The following PPP3R1 variants were observed in gnomAD, a reference collection of about 807,000 sequenced individuals.
PPP3R1 encodes calcineurin subunit B type 1.
A neutral mutation model predicts 22.6 loss-of-function variants in PPP3R1; 5 were observed. The observed-to-expected ratio is 0.22, with a 90% CI of 0.12 to 0.46. The LOEUF (loss-of-function observed/expected upper bound fraction) is 0.46, where lower values mean the gene tolerates loss of function less well. PPP3R1 is among the 20% of genes least tolerant of loss of function. The pLI is 0.99. For missense variants in PPP3R1, 61 were observed against 203.2 expected, an observed-to-expected ratio of 0.30 and a Z score of 4.25; for synonymous variants, 56 against 65.2, an observed-to-expected ratio of 0.86 and a Z score of 0.68.
At chr2:68,202,001 A>G (rs1674984674) in intron 2 of PPP3R1, among the ~76,000 whole-genome samples, 1 of 152,188 alleles carries the variant, frequency 6.6e-6, no homozygotes, top group Non-Finnish European at 1.5e-5. Flanking sequence ...TAAACAAAAG[A>G]TTCAATTTTT....
chr2:68,190,942 C>T (rs1674653950), intron 2 of PPP3R1, among the ~76,000 whole-genome samples: 1 of 152,282 alleles, frequency 6.6e-6, no homozygotes, highest in East Asian at 1.9e-4. Flanking sequence ...TTAATTTGTA[C>T]TTGCATTTTT....
intron 2 of PPP3R1, among the ~76,000 whole-genome samples, chr2:68,192,519 G>GT (rs1323703438): frequency 2.0e-5 from 3 of 152,052 alleles, no homozygotes; most frequent in Non-Finnish European, 4.4e-5. Flanking sequence ...TTAGAAAGTT[G>GT]TTTATCAAGA....
intron 2 of PPP3R1, among the ~76,000 whole-genome samples, chr2:68,203,552 G>A (rs1160653667): frequency 6.0e-5 from 9 of 151,044 alleles, no homozygotes; most frequent in Non-Finnish European, 1.0e-4. Context: ...AGTGTGCCGA[G>A]ATCGCGCCAT....
At position 68,206,196 on chromosome 2, in the gene PPP3R1, G is replaced by A. The variant is rs906681846; in HGVS notation, c.43+10896C>T. Among the ~76,000 whole-genome samples, 7 of 152,122 alleles carry A rather than the reference G, an allele frequency of 4.6e-5. No homozygotes were observed. In the South Asian group the frequency reaches 8.3e-4, roughly 18 times the overall value. On this transcript the variant is annotated intron_variant, in intron 2 of 5. Transcript: ENST00000234310. ...GCAGGATCAAAATCAAAGAGAAGTC[G>A]ACTGTGTTATAAACTGAAGAGAGGA... is the stretch of plus-strand genomic sequence containing the variant.
intron 2 of PPP3R1, among the ~76,000 whole-genome samples, chr2:68,214,380 A>G (rs1669537387): frequency 6.6e-6 from 1 of 152,216 alleles, no homozygotes; most frequent in Admixed American, 6.5e-5. Flanking sequence ...TCTGCTAACT[A>G]CGCATCTATC....
At chr2:68,231,708 T>C (rs1669904479) in intron 1 of PPP3R1, among the ~76,000 whole-genome samples, 1 of 152,214 alleles carries the variant, frequency 6.6e-6, no homozygotes, top group African/African-American at 2.4e-5. Context: ...AAGTGGTGTT[T>C]TTTAAAATTG....
chr2:68,200,371 A>G (rs1039734822), intron 2 of PPP3R1, among the ~76,000 whole-genome samples: 2 of 152,230 alleles, frequency 1.3e-5, no homozygotes, highest in Non-Finnish European at 2.9e-5. Context: ...AATGACCAAC[A>G]CACTAGAACT....
At chr2:68,190,604 C>T (rs527994574) in intron 2 of PPP3R1, among the ~76,000 whole-genome samples, 5 of 152,028 alleles carry the variant, frequency 3.3e-5, no homozygotes, top group Non-Finnish European at 5.9e-5. Flanking sequence ...TATATGAAGA[C>T]CTTAAGAAAA....
chr2:68,195,543 T>C (rs889964765), intron 2 of PPP3R1, among the ~76,000 whole-genome samples: 1 of 152,194 alleles, frequency 6.6e-6, no homozygotes, highest in Non-Finnish European at 1.5e-5. Context: ...ACTTTGAGAC[T>C]GTGCAAATAC....
chr2:68,215,250 A>T (rs965473308), intron 2 of PPP3R1, among the ~76,000 whole-genome samples: 2 of 152,138 alleles, frequency 1.3e-5, no homozygotes, highest in Admixed American at 6.5e-5. Context: ...TTATCCATAT[A>T]ACAAACCTGC....
At chr2:68,183,256 T>C (rs75521359) in intron 5 of PPP3R1, among the ~76,000 whole-genome samples, 3,496 of 152,364 alleles carry the variant, frequency 0.023, 60 homozygotes, top group Non-Finnish European at 0.034. Context: ...AAATGCTCCA[T>C]GTTCTTGTGG....
chr2:68,219,504 A>C (rs1244708457), intron 1 of PPP3R1, among the ~76,000 whole-genome samples: 1 of 152,122 alleles, frequency 6.6e-6, no homozygotes, highest in East Asian at 1.9e-4. Flanking sequence ...TGTTTCATTC[A>C]GGTTTGGTGT....
At chr2:68,220,300 G>A (rs980789681) in intron 1 of PPP3R1, among the ~76,000 whole-genome samples, 2 of 152,192 alleles carry the variant, frequency 1.3e-5, no homozygotes, top group Non-Finnish European at 2.9e-5. Flanking sequence ...AGACACATGA[G>A]AGAACTTTGG....
At chr2:68,218,820 G>A (rs1218378997) in intron 1 of PPP3R1, among the ~76,000 whole-genome samples, 5 of 151,608 alleles carry the variant, frequency 3.3e-5, no homozygotes, top group East Asian at 3.9e-4. Context: ...TTAAAACCAG[G>A]TCCTTGTTTC....
intron 2 of PPP3R1, among the ~76,000 whole-genome samples, chr2:68,198,148 TAC>T (rs777491560): frequency 1.3e-4 from 16 of 124,978 alleles, no homozygotes; most frequent in East Asian, 2.6e-4. Context: ...ACATATACAA[TAC>T]ACATATATGT....
rs1471315251 is a variant in PPP3R1 at position 68,180,730 on chromosome 2, T to TA, written c.*232dup. 2.2e-6 allele frequency: 1 copy of TA among 457,028 alleles called. No individual in the cohort carries two copies. Among genetic ancestry groups the TA allele is most frequent in the African/African-American group, 2.0e-5 (1 of 49,608 alleles). The allele number at this position is 457,028 out of a possible 1,614,324, so 28.3% of individuals were successfully genotyped here. ...CCCTTCCCTTTCTCCACCACATTGA[T>TA]ATGCTCTTTTCATGTTGCTGTCCTT... is the stretch of plus-strand genomic sequence containing the variant. On this transcript the variant is annotated 3_prime_UTR_variant, in exon 6 of 6. Transcript: ENST00000234310.
intron 2 of PPP3R1, among the ~76,000 whole-genome samples, chr2:68,209,343 A>G (rs1669418702): frequency 8.5e-6 from 1 of 117,210 alleles, no homozygotes; most frequent in African/African-American, 3.4e-5. Flanking sequence ...TGGGCGACAG[A>G]GCGAGACTCT....
intron 1 of PPP3R1, among the ~76,000 whole-genome samples, chr2:68,245,853 C>T (rs573638025): frequency 8.5e-5 from 13 of 152,258 alleles, no homozygotes; most frequent in Non-Finnish European, 1.5e-4. Context: ...AGCCTAAACT[C>T]TTATATGACC....
intron 1 of PPP3R1, among the ~76,000 whole-genome samples, chr2:68,217,843 A>C (rs542921169): frequency 6.6e-6 from 1 of 152,262 alleles, no homozygotes; most frequent in East Asian, 1.9e-4. Context: ...TATTTAAGAA[A>C]AAAAGTGTTC....
Sources: gnomAD v4.1 joint callset for allele counts (sites outside exome capture counted in the v4.1 genomes callset) on GRCh38, gnomAD v4.1.1 for gene constraint, MANE v1.5 for transcripts, NCBI Gene and HGNC (gene_info 2026-07-23, HGNC 2026-07-21) for gene names.